The following COL10A1 variants were observed in gnomAD, a reference collection of about 807,000 sequenced individuals.
COL10A1 encodes the protein collagen alpha-1(X) chain.
COL10A1 carries 10 observed loss-of-function variants against 18.2 expected under a neutral mutation model. The ratio of observed to expected loss-of-function variants is 0.55; its 90% confidence interval spans 0.34 to 0.93. COL10A1 has a LOEUF of 0.93. Ranked by LOEUF, COL10A1 falls within the 40% of genes least tolerant of loss-of-function variation. COL10A1 has a pLI of 0.02. For missense variants in COL10A1, 897 were observed against 853.5 expected (o/e 1.05, Z -0.64); for synonymous variants, 330 against 316.6 (o/e 1.04, Z -0.45).
At chr6:116,143,681 T>C (rs2114373287) in intron 1 of COL10A1, among the ~76,000 whole-genome samples, 1 of 152,314 alleles carries the variant, frequency 6.6e-6, no homozygotes, top group East Asian at 1.9e-4. Flanking sequence ...TGCATTACTT[T>C]TTTGTTTTGC....
chr6:116,171,518 T>G, the COL10A1 span, among the ~76,000 whole-genome samples: 1 of 152,326 alleles, frequency 6.6e-6, no homozygotes, highest in South Asian at 2.1e-4. Context: ...TACAAAAGAC[T>G]TGTTTAAACC....
the COL10A1 span, among the ~76,000 whole-genome samples, chr6:116,179,019 C>A: frequency 3.3e-5 from 5 of 152,238 alleles, no homozygotes; most frequent in Admixed American, 6.5e-5. Flanking sequence ...ATGGTAATTT[C>A]TTGGCCCTAA....
the COL10A1 span, among the ~76,000 whole-genome samples, chr6:116,169,034 G>A: frequency 6.6e-6 from 1 of 152,254 alleles, no homozygotes; most frequent in African/African-American, 2.4e-5. Context: ...ACCTTGGCAG[G>A]CACTGGCCTC....
At chr6:116,141,885 AACACACACACAC>A (rs3051942) in intron 1 of COL10A1, among the ~76,000 whole-genome samples, 275 of 140,404 alleles carry the variant, frequency 2.0e-3, no homozygotes, top group African/African-American at 6.6e-3. Context: ...CCAAAAAGAA[AACACACACACAC>A]ACACACACAC....
the COL10A1 span, among the ~76,000 whole-genome samples, chr6:116,174,150 A>G: frequency 1.3e-5 from 2 of 152,126 alleles, no homozygotes; most frequent in Admixed American, 1.3e-4. Flanking sequence ...ATCACTGCTA[A>G]TATTAACCTT....
At chr6:116,190,121 C>T in the COL10A1 span, among the ~76,000 whole-genome samples, 1 of 151,836 alleles carries the variant, frequency 6.6e-6, no homozygotes, top group African/African-American at 2.4e-5. Flanking sequence ...GTGGATATTA[C>T]ATAAGATGTA....
chr6:116,133,701 C>T (rs1582824116), intron 1 of COL10A1, among the ~76,000 whole-genome samples: 2 of 152,160 alleles, frequency 1.3e-5, no homozygotes, highest in South Asian at 4.1e-4. Context: ...ACCCACAGAC[C>T]TCTTCCCTAA....
chr6:116,180,558 G>A, the COL10A1 span, among the ~76,000 whole-genome samples: 2 of 152,026 alleles, frequency 1.3e-5, no homozygotes, highest in African/African-American at 4.8e-5. Flanking sequence ...CACAAAGAAA[G>A]AAACATTCAG....
intron 1 of COL10A1, among the ~76,000 whole-genome samples, chr6:116,147,961 G>A (rs1049765315): frequency 2.0e-5 from 3 of 151,684 alleles, no homozygotes; most frequent in Admixed American, 1.3e-4. Context: ...ACTCCAGCCT[G>A]GCGACAGAGC....
upstream of COL10A1, among the ~76,000 whole-genome samples, chr6:116,130,586 C>T (rs978303784): frequency 2.0e-5 from 3 of 151,960 alleles, no homozygotes; most frequent in African/African-American, 4.8e-5. Context: ...ATGTCTGGGT[C>T]CTAGGGATGC....
In COL10A1 at chr6:116,120,883, A is replaced by G. The variant is rs879089042; in HGVS notation, c.1233T>C (p.Asp411=). 1.2e-6 allele frequency: 2 copies of G among 1,613,620 alleles called. No individual in the cohort carries two copies. The highest frequency in any genetic ancestry group is 1.7e-6 in the Non-Finnish European group (2 of 1,179,822). ...GNPGLPGPKG[D]PGVGGPPGLP... is the part of the protein sequence containing the mutation. ...GACCAGGAGGTCCTCCAACTCCAGGATCACCTTTTGGACCTGGTAACCCTG... is the reference window on the plus strand; with the variant it reads ...GACCAGGAGGTCCTCCAACTCCAGGGTCACCTTTTGGACCTGGTAACCCTG... Residue 411 remains aspartate (D), a synonymous_variant, in exon 3 of 3, where the codon GAT becomes GAC. Coordinates refer to ENST00000651968, the MANE Select transcript of COL10A1 (RefSeq NM_000493.4).
the COL10A1 span, among the ~76,000 whole-genome samples, chr6:116,215,882 T>C: frequency 6.6e-6 from 1 of 152,172 alleles, no homozygotes; most frequent in African/African-American, 2.4e-5. Flanking sequence ...ATCATATTTA[T>C]AGACTGTATT....
intron 1 of COL10A1, among the ~76,000 whole-genome samples, chr6:116,149,110 A>G (rs1471742593): frequency 6.6e-6 from 1 of 152,156 alleles, no homozygotes; most frequent in Non-Finnish European, 1.5e-5. Flanking sequence ...ATTCAAGTGG[A>G]CAGTAAGTCA....
At chr6:116,129,854 G>A (rs1418880409), upstream of COL10A1, among the ~76,000 whole-genome samples, 1 of 152,096 alleles carries the variant, frequency 6.6e-6, no homozygotes, top group East Asian at 1.9e-4. Flanking sequence ...CACTTAACTT[G>A]CTACTGTGGA....
At chr6:116,129,832 A>G (rs1157950785), upstream of COL10A1, among the ~76,000 whole-genome samples, 2 of 152,178 alleles carry the variant, frequency 1.3e-5, no homozygotes, top group African/African-American at 4.8e-5. Flanking sequence ...CCTGTGATCT[A>G]GAATTTGTTG....
chr6:116,122,336 A>G (rs1274210010), intron 2 of COL10A1, among the ~76,000 whole-genome samples: 1 of 152,210 alleles, frequency 6.6e-6, no homozygotes. Context: ...GAAAATGTTT[A>G]AGAACTATAA....
chr6:116,139,951 T>C (rs1205282824), intron 1 of COL10A1, among the ~76,000 whole-genome samples: 2 of 152,162 alleles, frequency 1.3e-5, no homozygotes, highest in Non-Finnish European at 2.9e-5. Flanking sequence ...TTGTGTTTAT[T>C]GAGAGTCTTC....
chr6:116,200,954 G>C, the COL10A1 span, among the ~76,000 whole-genome samples: 1 of 151,994 alleles, frequency 6.6e-6, no homozygotes, highest in African/African-American at 2.4e-5. Flanking sequence ...ACCAAGGTCT[G>C]AAAGGTTCTC....
At chr6:116,123,379 C>G (rs1184058810) in intron 2 of COL10A1, among the ~76,000 whole-genome samples, 2 of 152,190 alleles carry the variant, frequency 1.3e-5, no homozygotes, top group African/African-American at 4.8e-5. Flanking sequence ...AGGTTGTCAT[C>G]TGAAAAAATT....
Sources: allele counts gnomAD v4.1 joint callset (sites outside exome capture counted in the v4.1 genomes callset), GRCh38; gene constraint gnomAD v4.1.1; transcripts MANE v1.5; gene names NCBI Gene and HGNC (gene_info 2026-07-23, HGNC 2026-07-21).